The following LUZP2 variants were observed in gnomAD, a reference collection of about 807,000 sequenced individuals.
The protein encoded by LUZP2 is leucine zipper protein 2.
Under a neutral mutation model 51.6 loss-of-function variants are expected in LUZP2, and 52 were observed. The ratio of observed to expected loss-of-function variants is 1.01; its 90% confidence interval spans 0.81 to 1.27. The LOEUF is 1.27. Among genes scored for constraint, LUZP2 ranks in the 50% most tolerant of loss-of-function variants. The pLI is 0.00. For synonymous variants in LUZP2, 154 were observed against 137.3 expected, an observed-to-expected ratio of 1.12 and a Z score of -0.85; for missense variants, 436 against 395.4, an observed-to-expected ratio of 1.10 and a Z score of -0.87.
intron 1 of LUZP2, among the ~76,000 whole-genome samples, chr11:24,717,308 T>C (rs1726678908): frequency 6.6e-6 from 1 of 152,144 alleles, no homozygotes; most frequent in Non-Finnish European, 1.5e-5. Context: ...AAAAAACTTT[T>C]AGGTTCAGCA....
intron 5 of LUZP2, among the ~76,000 whole-genome samples, chr11:24,833,410 G>A (rs1212768730): frequency 7.6e-6 from 1 of 131,670 alleles, no homozygotes; most frequent in East Asian, 2.2e-4. Flanking sequence ...GTTATTGTTT[G>A]TTGGAAAAAT....
chr11:24,745,723 G>C (rs752744031), intron 4 of LUZP2, among the ~76,000 whole-genome samples: 4 of 152,082 alleles, frequency 2.6e-5, no homozygotes, highest in Non-Finnish European at 1.5e-5. Flanking sequence ...TGTCACCCAG[G>C]CTGAAGTGCA....
intron 5 of LUZP2, among the ~76,000 whole-genome samples, chr11:24,769,878 C>G (rs573288782): frequency 0.077 from 11,695 of 151,218 alleles, 997 homozygotes; most frequent in African/African-American, 0.21. Context: ...CTGCAACCTC[C>G]GCCTCCCGGG....
At chr11:24,831,292 T>G (rs1338174117) in intron 5 of LUZP2, among the ~76,000 whole-genome samples, 2 of 152,066 alleles carry the variant, frequency 1.3e-5, no homozygotes, top group Non-Finnish European at 2.9e-5. Flanking sequence ...GCAGAGATAT[T>G]CAGCTCTACA....
rs78785122 is a variant in LUZP2 at position 24,887,783 on chromosome 11, T to C, written c.397-18208T>C. ...GACATATTTAAAAGGGCAAATGTAT[T>C]TTCTAGTCATTTGAAAAACACATTT... On this transcript the variant is annotated intron_variant, in intron 5 of 11. Coordinates refer to ENST00000336930, the MANE Select transcript of LUZP2 (RefSeq NM_001009909.4). 6.7e-3 allele frequency among the ~76,000 whole-genome samples: 1,025 copies of C among 152,314 alleles called. 14 individuals are homozygous for C. Among genetic ancestry groups the C allele is most frequent in the East Asian group, 0.057 (294 of 5,170 alleles).
chr11:25,023,585 T>C (rs1378525967), intron 9 of LUZP2, among the ~76,000 whole-genome samples: 34 of 122,854 alleles, frequency 2.8e-4, no homozygotes, highest in Non-Finnish European at 5.6e-4. Context: ...AAAAACCAGC[T>C]CCTGGATTCA....
chr11:24,819,452 G>T (rs945787566), intron 5 of LUZP2, among the ~76,000 whole-genome samples: 2 of 151,932 alleles, frequency 1.3e-5, no homozygotes, highest in Non-Finnish European at 2.9e-5. Flanking sequence ...TATATTCCTG[G>T]GATATTTGGA....
At chr11:25,042,931 G>A (rs952245604) in intron 9 of LUZP2, among the ~76,000 whole-genome samples, 1 of 152,092 alleles carries the variant, frequency 6.6e-6, no homozygotes, top group East Asian at 1.9e-4. Flanking sequence ...CACGGTATAG[G>A]GCCTTTGTGA....
chr11:24,706,447 C>T lies in LUZP2; in HGVS notation c.63-22722C>T, dbSNP rs1431419869. On this transcript the variant is annotated intron_variant, in intron 1 of 11. Coordinates refer to ENST00000336930, the MANE Select transcript of LUZP2 (RefSeq NM_001009909.4). ...GTGTCTATTTCCTGTTAGTAGCACC[C>T]ACATTCCATCTCAGCTAATAATGTT... Among the ~76,000 whole-genome samples, 5 of 152,072 alleles carry T rather than the reference C, an allele frequency of 3.3e-5. 1 individual carries two copies. The highest frequency in any genetic ancestry group is 5.9e-5 in the Non-Finnish European group (4 of 68,016).
intron 1 of LUZP2, among the ~76,000 whole-genome samples, chr11:24,507,563 A>G (rs1850179664): frequency 6.6e-6 from 1 of 152,082 alleles, no homozygotes. Flanking sequence ...GGCATAGTGT[A>G]TTTAGAAAAT....
chr11:25,031,212 A>G (rs1185249822), intron 9 of LUZP2, among the ~76,000 whole-genome samples: 2 of 150,474 alleles, frequency 1.3e-5, no homozygotes, highest in Non-Finnish European at 3.0e-5. Context: ...GGGTGTCACC[A>G]TATTGGCCAG....
At chr11:25,024,455 G>T (rs952571046) in intron 9 of LUZP2, among the ~76,000 whole-genome samples, 2 of 152,082 alleles carry the variant, frequency 1.3e-5, no homozygotes, top group Non-Finnish European at 1.5e-5. Context: ...AAAGTCTCAG[G>T]ATACAAAATC....
chr11:24,815,662 T>C (rs1006395833), intron 5 of LUZP2, among the ~76,000 whole-genome samples: 6 of 152,280 alleles, frequency 3.9e-5, no homozygotes, highest in African/African-American at 1.4e-4. Context: ...GTTGGGTTTG[T>C]TTTCAGCCTC....
In LUZP2 at chr11:24,807,943, G is replaced by A. The variant is rs575821866; in HGVS notation, c.396+44635G>A. Among the ~76,000 whole-genome samples, 59 of 152,090 alleles carry A rather than the reference G, an allele frequency of 3.9e-4. 1 individual carries two copies. The highest frequency in any genetic ancestry group is 8.2e-4 in the African/African-American group (34 of 41,418). On this transcript the variant is annotated intron_variant, in intron 5 of 11. Coordinates refer to ENST00000336930, the MANE Select transcript of LUZP2 (RefSeq NM_001009909.4). Reference sequence around the variant, plus strand: ...CTAAGATCAGAAGAAAATTAAAAGCGTCACTATCAAATAGAATCCAAGTCA... The same window carrying A: ...CTAAGATCAGAAGAAAATTAAAAGCATCACTATCAAATAGAATCCAAGTCA...
intron 7 of LUZP2, among the ~76,000 whole-genome samples, chr11:24,936,430 C>T (rs558537381): frequency 2.6e-5 from 4 of 152,212 alleles, no homozygotes; most frequent in Admixed American, 1.3e-4. Context: ...AATGGAAGGC[C>T]GGCAAATAGC....
chr11:24,808,532 TATAG>T (rs1339629479), intron 5 of LUZP2, among the ~76,000 whole-genome samples: 2 of 152,312 alleles, frequency 1.3e-5, no homozygotes, highest in East Asian at 3.9e-4. Context: ...TATTCTCCAA[TATAG>T]ATAAACTATA....
intron 5 of LUZP2, among the ~76,000 whole-genome samples, chr11:24,825,749 C>T (rs1280707703): frequency 1.3e-5 from 2 of 152,048 alleles, no homozygotes; most frequent in East Asian, 3.9e-4. Context: ...AAGCTTCCCT[C>T]CTCACCCCCT....
chr11:24,888,306 T>TTA (rs1852735687), intron 5 of LUZP2, among the ~76,000 whole-genome samples: 1 of 152,236 alleles, frequency 6.6e-6, no homozygotes, highest in Admixed American at 6.5e-5. Flanking sequence ...ATAAATTCAT[T>TTA]TATGCATGAT....
intron 1 of LUZP2, among the ~76,000 whole-genome samples, chr11:24,593,563 C>T (rs1434554681): frequency 1.3e-5 from 2 of 152,156 alleles, no homozygotes; most frequent in Non-Finnish European, 2.9e-5. Flanking sequence ...TTGCCCAGAA[C>T]ATCTCAAATT....
Sources: allele counts gnomAD v4.1 joint callset (sites outside exome capture counted in the v4.1 genomes callset), GRCh38; gene constraint gnomAD v4.1.1; transcripts MANE v1.5; gene names NCBI Gene and HGNC (gene_info 2026-07-23, HGNC 2026-07-21).